The following FBRSL1 variants were observed in gnomAD, a reference collection of about 807,000 sequenced individuals.
The protein encoded by FBRSL1 is fibrosin like 1.
FBRSL1 carries 51 observed loss-of-function variants against 89.6 expected under a neutral mutation model. The observed-to-expected ratio is 0.57, with a 90% CI of 0.45 to 0.72. FBRSL1 has a LOEUF of 0.72. FBRSL1 is among the 30% of genes least tolerant of loss of function. The pLI, the probability that FBRSL1 is intolerant of heterozygous loss-of-function variation, is 0.00. For synonymous variants in FBRSL1, 779 were observed against 681.1 expected (o/e 1.14, Z -2.24); for missense variants, 1,618 against 1,451.8 (o/e 1.11, Z -1.86).
rs938867909 is a variant in FBRSL1 at position 132,583,661 on chromosome 12, GC to G, written c.2898del (p.Thr967ArgfsTer116). 3 of 1,076,058 alleles carry G rather than the reference GC, an allele frequency of 2.8e-6. No individual in the cohort carries two copies. Among genetic ancestry groups the G allele is most frequent in the African/African-American group, 1.7e-5 (1 of 58,782 alleles). The allele number at this position is 1,076,058 out of a possible 1,614,324, so 66.7% of individuals were successfully genotyped here. A position where few individuals can be genotyped will look rare whatever the true frequency, so the allele number is the denominator to read the frequency against. On this transcript the variant is annotated frameshift_variant, in exon 19 of 19. Transcript: ENST00000680143. LOFTEE classifies it high-confidence loss of function. ...APPPLVTAAG[P>X]PTPPGPPRSR... ...CGCCCCCCCTGGTGACGGCGGCCGG[GC>G]CCCCCACGCCCCCCGGGCCGCCGCG...
At chr12:132,535,510 G>A (rs572939181) in intron 4 of FBRSL1, among the ~76,000 whole-genome samples, 76 of 152,350 alleles carry the variant, frequency 5.0e-4, no homozygotes, top group Middle Eastern at 6.8e-3. Context: ...AGAGGTGAGC[G>A]GAGCTGATCC....
chr12:132,559,260 C>G (rs1449957131), intron 5 of FBRSL1, among the ~76,000 whole-genome samples: 1 of 152,264 alleles, frequency 6.6e-6, no homozygotes, highest in African/African-American at 2.4e-5. Context: ...CTGCTCGGAG[C>G]TGTCTCCGAC....
chr12:132,564,860 A>C (rs1344703331), intron 5 of FBRSL1, among the ~76,000 whole-genome samples: 1 of 151,342 alleles, frequency 6.6e-6, no homozygotes, highest in Non-Finnish European at 1.5e-5. Context: ...CGATCTGCTG[A>C]CCTCGTGATC....
intron 2 of FBRSL1, chr12:132,510,944 G>GTGCTGTGTGTGCA (rs1294589155): frequency 2.0e-6 from 2 of 993,414 alleles, no homozygotes; most frequent in African/African-American, 3.5e-5. Flanking sequence ...TGGTGTGTGC[G>GTGCTGTGTGTGCA]TGCTGTGTGT....
intron 4 of FBRSL1, among the ~76,000 whole-genome samples, chr12:132,535,653 C>T (rs1228421279): frequency 6.6e-6 from 1 of 152,270 alleles, no homozygotes; most frequent in Non-Finnish European, 1.5e-5. Flanking sequence ...GCCCCAAGCA[C>T]ACTAGGCCCA....
At chr12:132,491,459 A>T (rs2030945149) in intron 1 of FBRSL1, among the ~76,000 whole-genome samples, 1 of 152,242 alleles carries the variant, frequency 6.6e-6, no homozygotes, top group Admixed American at 6.5e-5. Flanking sequence ...CAGAGAAGGA[A>T]ATTAAATGCT....
chr12:132,509,683 G>A (rs955570285), intron 2 of FBRSL1: 31 of 1,231,450 alleles, frequency 2.5e-5, no homozygotes, highest in Admixed American at 1.7e-4. Flanking sequence ...CGCTGCAGGC[G>A]CCTGCGGTCC....
chr12:132,582,369 C>A, intron 18 of FBRSL1, 103 bp downstream of exon 18: 3 of 939,964 alleles, frequency 3.2e-6, no homozygotes, highest in South Asian at 1.6e-5. Context: ...CTCTTCTCCC[C>A]GTTTCCTCTC....
Position 132,582,952 on chromosome 12 carries a change from T to C in FBRSL1, c.2202-19T>C, listed in dbSNP as rs2040883641. The C allele has an allele frequency of 2.2e-6, 3 of 1,393,752 alleles. No homozygotes were observed. The highest frequency in any genetic ancestry group is 1.5e-5 in the African/African-American group (1 of 65,036). The allele number at this position is 1,393,752 out of a possible 1,614,324, so 86.3% of individuals were successfully genotyped here. ...GGACGGAGGTCTCGGGAGTGACGGG[T>C]CCGCCCTGCCGCCCCCAGGGACCTC... is the stretch of plus-strand genomic sequence containing the variant. On this transcript the variant is annotated intron_variant, in intron 18 of 18. Coordinates refer to ENST00000680143, the MANE Select transcript of FBRSL1 (RefSeq NM_001367871.1).
At position 132,508,319 on chromosome 12, in the gene FBRSL1, C is replaced by G; in HGVS notation, c.458C>G (p.Ala153Gly). 1 of 1,542,374 alleles carries G rather than the reference C, an allele frequency of 6.5e-7. No homozygotes were observed. The highest frequency in any genetic ancestry group is 1.2e-5 in the South Asian group (1 of 83,164). Residue 153 changes from alanine to glycine, a missense_variant, in exon 2 of 19, where the codon GCG becomes GGG. By Grantham distance (60) the Ala-to-Gly change is moderately conservative. Transcript: ENST00000680143. ...GQDLEPACDG[A>G]RKVPLQPSKQ... is the part of the protein sequence containing the mutation. ...GACCTCGAACCCGCCTGCGATGGGG[C>G]GAGAAAGGTCCCACTGCAGCCCTCC...
At chr12:132,507,254 G>A (rs1158253835) in intron 1 of FBRSL1, 2 of 985,502 alleles carry the variant, frequency 2.0e-6, no homozygotes, top group East Asian at 1.1e-4. Flanking sequence ...CCTCACAGCT[G>A]TGCCCTCCCC....
Position 132,582,977 on chromosome 12 carries a change from C to A in FBRSL1, c.2208C>A (p.Leu736=), listed in dbSNP as rs1003992731. 1 of 1,433,090 alleles carries A rather than the reference C, an allele frequency of 7.0e-7. No individual in the cohort carries two copies. The allele number at this position is 1,433,090 out of a possible 1,614,324, so 88.8% of individuals were successfully genotyped here. Residue 736 remains leucine, a synonymous_variant, in exon 19 of 19, where the codon CTC becomes CTA. Coordinates refer to ENST00000680143, the MANE Select transcript of FBRSL1 (RefSeq NM_001367871.1). ...DNGKEEQERD[L]LEKTRLLSRA... ...TCCGCCCTGCCGCCCCCAGGGACCT[C>A]CTGGAGAAGACGCGCCTGCTGAGCC...
chr12:132,495,321 C>T (rs949467568), intron 1 of FBRSL1, among the ~76,000 whole-genome samples: 5 of 152,214 alleles, frequency 3.3e-5, no homozygotes, highest in Admixed American at 1.3e-4. Flanking sequence ...TGGGCCCGGC[C>T]TGCCGAGCAC....
chr12:132,560,953 C>T (rs2039074032), intron 5 of FBRSL1, among the ~76,000 whole-genome samples: 1 of 152,116 alleles, frequency 6.6e-6, no homozygotes, highest in Non-Finnish European at 1.5e-5. Flanking sequence ...TGCCAGAAGC[C>T]CTGTCCTAGA....
At chr12:132,503,378 G>C (rs1034077819) in intron 1 of FBRSL1, among the ~76,000 whole-genome samples, 1 of 152,246 alleles carries the variant, frequency 6.6e-6, no homozygotes, top group African/African-American at 2.4e-5. Flanking sequence ...AGTGAGGCTT[G>C]CCGGGGCAGT....
At chr12:132,507,961 C>T (rs1017707329) in intron 1 of FBRSL1, among the ~76,000 whole-genome samples, 192 bp from the exon 2 acceptor site, 11 of 152,314 alleles carry the variant, frequency 7.2e-5, no homozygotes, top group African/African-American at 2.2e-4. Context: ...TCCCCCATCC[C>T]GCAGCAGCAT....
At chr12:132,524,724 G>A (rs545748142) in intron 2 of FBRSL1, among the ~76,000 whole-genome samples, 11 of 152,224 alleles carry the variant, frequency 7.2e-5, no homozygotes, top group Non-Finnish European at 4.4e-5. Flanking sequence ...GAGGGAGACC[G>A]CTGGGCTTCC....
chr12:132,510,821 T>C, intron 2 of FBRSL1: 1 of 1,101,592 alleles, frequency 9.1e-7, no homozygotes, highest in Non-Finnish European at 1.1e-6. Flanking sequence ...GGGACCTTGC[T>C]GGGGGCCCCT....
chr12:132,548,128 G>A (rs2037852865), intron 5 of FBRSL1, 96 bp downstream of exon 5: 1 of 1,448,784 alleles, frequency 6.9e-7, no homozygotes, highest in Non-Finnish European at 9.4e-7. Flanking sequence ...CCAGGCAGAA[G>A]ATCGGGCCTT....
Sources: gnomAD v4.1 joint callset for allele counts (sites outside exome capture counted in the v4.1 genomes callset) on GRCh38, gnomAD v4.1.1 for gene constraint, MANE v1.5 for transcripts, NCBI Gene and HGNC (gene_info 2026-07-23, HGNC 2026-07-21) for gene names.